The following XPR1 variants were observed in gnomAD, a reference collection of about 807,000 sequenced individuals.
The protein encoded by XPR1 is xenotropic and polytropic retrovirus receptor 1.
A neutral mutation model predicts 87.5 loss-of-function variants in XPR1; 28 were observed. The ratio of observed to expected loss-of-function variants is 0.32; its 90% confidence interval spans 0.24 to 0.44. XPR1 has a LOEUF of 0.44. Among genes scored for constraint, XPR1 ranks in the 20% least tolerant of loss-of-function variants. The probability of loss-of-function intolerance (pLI) is 1.00; values close to 1 mark genes in which losing one functional copy is unlikely to be tolerated. For missense variants in XPR1, 559 were observed against 862.3 expected (o/e 0.65, Z 4.41); for synonymous variants, 300 against 306.1 (o/e 0.98, Z 0.21).
At chr1:180,770,062 A>G (rs2102064674) in intron 2 of XPR1, among the ~76,000 whole-genome samples, 1 of 152,194 alleles carries the variant, frequency 6.6e-6, no homozygotes, top group Non-Finnish European at 1.5e-5. Context: ...GTTAATTTTG[A>G]TAGTTTCATT....
At chr1:180,810,480 T>C (rs1650167567) in intron 6 of XPR1, among the ~76,000 whole-genome samples, 1 of 151,776 alleles carries the variant, frequency 6.6e-6, no homozygotes, top group African/African-American at 2.4e-5. Flanking sequence ...CTCTGGAGGC[T>C]GAAGTGGGGA....
intron 1 of XPR1, among the ~76,000 whole-genome samples, chr1:180,633,425 T>A (rs1178126868): frequency 6.6e-6 from 1 of 152,208 alleles, no homozygotes; most frequent in Non-Finnish European, 1.5e-5. Flanking sequence ...TTAAACTATT[T>A]TAGTTCTCCA....
chr1:180,668,092 T>C (rs991000869), intron 1 of XPR1, among the ~76,000 whole-genome samples: 1 of 151,520 alleles, frequency 6.6e-6, no homozygotes, highest in African/African-American at 2.4e-5. Flanking sequence ...TTTTTTTATT[T>C]ATCTTTGCTT....
intron 9 of XPR1, among the ~76,000 whole-genome samples, chr1:180,831,817 T>C (rs1651076751): frequency 6.6e-6 from 1 of 152,194 alleles, no homozygotes; most frequent in South Asian, 2.1e-4. Context: ...TTGGGTTGGT[T>C]CCAAATCTTT....
chr1:180,710,060 AT>A, intron 2 of XPR1, among the ~76,000 whole-genome samples: 1 of 151,518 alleles, frequency 6.6e-6, no homozygotes, highest in East Asian at 1.9e-4. Flanking sequence ...CACCTGGCTA[AT>A]TTTTGCATTT....
In XPR1 at chr1:180,632,102, C is replaced by T; in HGVS notation, c.-100C>T. ...GCGGAGGAGGAGAGAAGCGCAGCGC[C>T]GCGCCGCGCCGGGGCCCATGTGGGG... On this transcript the variant is annotated 5_prime_UTR_variant, in exon 1 of 15. Transcript: ENST00000367590. 9 of 1,414,680 alleles carry T rather than the reference C, an allele frequency of 6.4e-6. No homozygotes were observed. Among genetic ancestry groups the T allele is most frequent in the Admixed American group, 3.9e-5 (2 of 50,858 alleles). 87.6% of individuals were successfully genotyped at this position (1,414,680 alleles called of 1,614,324 possible). A position where few individuals can be genotyped will look rare whatever the true frequency, so the allele number is the denominator to read the frequency against.
At chr1:180,682,042 G>A (rs745808143) in intron 1 of XPR1, among the ~76,000 whole-genome samples, 1 of 151,944 alleles carries the variant, frequency 6.6e-6, no homozygotes, top group Non-Finnish European at 1.5e-5. Flanking sequence ...TTTTCTCTAG[G>A]ACTTTTGTTC....
intron 1 of XPR1, among the ~76,000 whole-genome samples, chr1:180,673,041 AG>A (rs1204644283): frequency 6.6e-6 from 1 of 152,174 alleles, no homozygotes; most frequent in African/African-American, 2.4e-5. Context: ...GCAACATAAC[AG>A]TAGACATTTT....
chr1:180,879,131 G>A (rs921241831), intron 13 of XPR1, among the ~76,000 whole-genome samples: 10 of 152,088 alleles, frequency 6.6e-5, no homozygotes, highest in Non-Finnish European at 1.5e-4. Context: ...GACTCACATC[G>A]CATGTCAGTA....
chr1:180,748,914 C>G (rs1398454420), intron 2 of XPR1, among the ~76,000 whole-genome samples: 2 of 152,130 alleles, frequency 1.3e-5, no homozygotes, highest in Non-Finnish European at 2.9e-5. Flanking sequence ...AAGAAATTAA[C>G]AAAACTGGAC....
At chr1:180,742,276 A>G (rs1227558501) in intron 2 of XPR1, among the ~76,000 whole-genome samples, 1 of 152,126 alleles carries the variant, frequency 6.6e-6, no homozygotes, top group African/African-American at 2.4e-5. Context: ...ATTTTATATC[A>G]TAAATTCCCC....
At chr1:180,682,467 T>C in intron 2 of XPR1, 56 bp downstream of exon 2, 5 of 1,446,240 alleles carry the variant, frequency 3.5e-6, no homozygotes, top group Non-Finnish European at 4.8e-6. Context: ...TAAGGAAAGA[T>C]ATTTTGTACT....
At chr1:180,685,154 C>T (rs1006312823) in intron 2 of XPR1, among the ~76,000 whole-genome samples, 3 of 151,938 alleles carry the variant, frequency 2.0e-5, no homozygotes, top group African/African-American at 4.8e-5. Flanking sequence ...TTTTGAGATA[C>T]GTCCCATCAA....
intron 2 of XPR1, among the ~76,000 whole-genome samples, chr1:180,699,337 T>C (rs112892186): frequency 0.014 from 1,695 of 120,058 alleles, 52 homozygotes; most frequent in African/African-American, 0.05. Flanking sequence ...TAGCATTAGG[T>C]ATATCTCCCA....
At chr1:180,836,093 T>C (rs1342448886) in intron 10 of XPR1, among the ~76,000 whole-genome samples, 2 of 152,228 alleles carry the variant, frequency 1.3e-5, no homozygotes, top group East Asian at 3.9e-4. Context: ...GCGCAGTGGC[T>C]CACACCTGTA....
At chr1:180,757,285 C>T (rs73036516) in intron 2 of XPR1, among the ~76,000 whole-genome samples, 6,560 of 152,082 alleles carry the variant, frequency 0.043, 508 homozygotes, top group African/African-American at 0.15. Flanking sequence ...TATTTGGAAA[C>T]GGGATTTTGT....
intron 2 of XPR1, among the ~76,000 whole-genome samples, chr1:180,683,171 T>C (rs1656642329): frequency 6.8e-6 from 1 of 147,656 alleles, no homozygotes; most frequent in Admixed American, 6.7e-5. Flanking sequence ...TGTGACCATG[T>C]GTTCTCATTG....
chr1:180,811,485 G>A lies in XPR1; in HGVS notation c.760G>A (p.Ala254Thr). Residue 254 changes from alanine (A) to threonine (T), a missense_variant, in exon 7 of 15, where the codon GCC (alanine) becomes ACC (threonine). By Grantham distance (58) the Ala-to-Thr change is moderately conservative. Transcript: ENST00000367590. ...TGTACTGAATATTACCCTTGTGCTT[G>A]CCGGTAAGTAGTTTAAATTTTGAAT... ...FIVLNITLVL[A>T]AVFKLETDRS... 6.2e-7 allele frequency: 1 copy of A among 1,610,148 alleles called. No individual in the cohort carries two copies. The highest frequency in any genetic ancestry group is 8.5e-7 in the Non-Finnish European group (1 of 1,177,526).
chr1:180,654,694 C>T (rs78508281), intron 1 of XPR1, among the ~76,000 whole-genome samples: 5 of 152,122 alleles, frequency 3.3e-5, no homozygotes, highest in Non-Finnish European at 5.9e-5. Context: ...CATTACATCA[C>T]TTAGTGTAAT....
Sources: allele counts gnomAD v4.1 joint callset (sites outside exome capture counted in the v4.1 genomes callset), GRCh38; gene constraint gnomAD v4.1.1; transcripts MANE v1.5; gene names NCBI Gene and HGNC (gene_info 2026-07-23, HGNC 2026-07-21).